ANKS1B: variants seen among roughly 807,000 people sequenced by gnomAD.
The protein encoded by ANKS1B is ankyrin repeat and sterile alpha motif domain containing 1B, also known as ankyrin repeat and sterile alpha motif domain-containing protein 1B.
A neutral mutation model predicts 148.3 loss-of-function variants in ANKS1B; 36 were observed. The ratio of observed to expected loss-of-function variants is 0.24; its 90% CI spans 0.19 to 0.32. The LOEUF (loss-of-function observed/expected upper bound fraction) is 0.32, where lower values mean the gene tolerates loss of function less well. Ranked by LOEUF, ANKS1B falls within the 10% of genes least tolerant of loss-of-function variation. The pLI is 1.00. For synonymous variants in ANKS1B, 542 were observed against 560.8 expected, an observed-to-expected ratio of 0.97 and a Z score of 0.47; for missense variants, 1,157 against 1,542.6, an observed-to-expected ratio of 0.75 and a Z score of 4.19.
At chr12:99,924,430 T>G (rs368898599) in intron 1 of ANKS1B, among the ~76,000 whole-genome samples, 2 of 152,330 alleles carry the variant, frequency 1.3e-5, no homozygotes, top group African/African-American at 4.8e-5. Context: ...TGCAGCAATA[T>G]CTAATTTCTT....
At chr12:99,399,341 T>A (rs2094340666) in intron 12 of ANKS1B, among the ~76,000 whole-genome samples, 1 of 152,126 alleles carries the variant, frequency 6.6e-6, no homozygotes, top group Non-Finnish European at 1.5e-5. Flanking sequence ...GATACCGCTG[T>A]GTGGTGAGGG....
At chr12:99,375,062 C>T (rs1317782587) in intron 12 of ANKS1B, among the ~76,000 whole-genome samples, 1 of 152,148 alleles carries the variant, frequency 6.6e-6, no homozygotes, top group Non-Finnish European at 1.5e-5. Flanking sequence ...GTTTGGATCA[C>T]CTTATCTTAA....
intron 14 of ANKS1B, among the ~76,000 whole-genome samples, chr12:99,182,700 T>C (rs116880421): frequency 1.3e-5 from 2 of 152,314 alleles, no homozygotes; most frequent in Non-Finnish European, 2.9e-5. Context: ...CTAGATCATA[T>C]GGTAGCCCTA....
intron 10 of ANKS1B, among the ~76,000 whole-genome samples, chr12:99,496,490 G>C (rs908220441): frequency 4.6e-5 from 7 of 152,178 alleles, no homozygotes; most frequent in Non-Finnish European, 2.9e-5. Context: ...GCATAAACAT[G>C]AGTCTTAGCA....
At chr12:99,788,196 A>C (rs1340153467) in intron 4 of ANKS1B, among the ~76,000 whole-genome samples, 2 of 152,226 alleles carry the variant, frequency 1.3e-5, no homozygotes, top group Non-Finnish European at 2.9e-5. Flanking sequence ...AGGCAGTGCA[A>C]GTGCAATTCA....
At chr12:99,843,315 T>A (rs954179528) in intron 1 of ANKS1B, among the ~76,000 whole-genome samples, 2 of 152,100 alleles carry the variant, frequency 1.3e-5, no homozygotes, top group African/African-American at 4.8e-5. Context: ...TCTCCTTGGT[T>A]AGCCTAGGTG....
chr12:99,850,793 A>C (rs1273623730), intron 1 of ANKS1B, among the ~76,000 whole-genome samples: 1 of 152,092 alleles, frequency 6.6e-6, no homozygotes, highest in East Asian at 1.9e-4. Flanking sequence ...ATAAGGGAAA[A>C]TTCTTCTCAG....
chr12:99,106,799 T>G (rs1307143868), intron 15 of ANKS1B, among the ~76,000 whole-genome samples: 1 of 152,244 alleles, frequency 6.6e-6, no homozygotes, highest in Non-Finnish European at 1.5e-5. Flanking sequence ...GTCTTTTAGG[T>G]TGTCTTAAAA....
intron 9 of ANKS1B, among the ~76,000 whole-genome samples, chr12:99,564,887 A>C (rs2097373011): frequency 6.6e-6 from 1 of 152,148 alleles, no homozygotes; most frequent in Non-Finnish European, 1.5e-5. Flanking sequence ...TAAATATCAT[A>C]TTATTATAAC....
intron 4 of ANKS1B, among the ~76,000 whole-genome samples, chr12:99,793,132 A>G (rs1464074378): frequency 6.6e-6 from 1 of 151,954 alleles, no homozygotes; most frequent in Non-Finnish European, 1.5e-5. Flanking sequence ...GAATTAACCA[A>G]ATAAATGAAA....
At chr12:98,939,200 G>A (rs1229391689) in intron 17 of ANKS1B, among the ~76,000 whole-genome samples, 1 of 152,204 alleles carries the variant, frequency 6.6e-6, no homozygotes, top group South Asian at 2.1e-4. Flanking sequence ...ATTAGGATTA[G>A]TGCGTATGTT....
intron 17 of ANKS1B, among the ~76,000 whole-genome samples, chr12:98,858,064 A>G (rs1158561162): frequency 6.6e-6 from 1 of 152,188 alleles, no homozygotes; most frequent in Admixed American, 6.5e-5. Context: ...TTTGTCGCAC[A>G]GACAGGTTTG....
intron 16 of ANKS1B, among the ~76,000 whole-genome samples, chr12:99,066,148 G>A (rs1010916200): frequency 6.6e-6 from 1 of 151,866 alleles, no homozygotes; most frequent in Non-Finnish European, 1.5e-5. Context: ...AAACTCTATC[G>A]CTACTAAAAT....
At chr12:99,088,222 T>C (rs969659875) in intron 15 of ANKS1B, among the ~76,000 whole-genome samples, 9 of 152,196 alleles carry the variant, frequency 5.9e-5, no homozygotes, top group African/African-American at 1.9e-4. Context: ...TACATAGGGA[T>C]GCCAAAAATA....
At chr12:99,762,432 G>C (rs2062224326) in intron 8 of ANKS1B, among the ~76,000 whole-genome samples, 1 of 151,624 alleles carries the variant, frequency 6.6e-6, no homozygotes, top group East Asian at 2.1e-4. Context: ...AAACAATGGG[G>C]AAAGGACAAG....
chr12:98,746,516 A>G (rs1228080752), intron 26 of ANKS1B, among the ~76,000 whole-genome samples: 12 of 152,112 alleles, frequency 7.9e-5, no homozygotes. Flanking sequence ...TACTCCTACA[A>G]AAAGCACCCC....
At position 99,480,341 on chromosome 12, in the gene ANKS1B, G is replaced by A. The variant is rs1363579890; in HGVS notation, c.1438+24135C>T. 5.3e-5 allele frequency among the ~76,000 whole-genome samples: 8 copies of A among 151,700 alleles called. No individual in the cohort carries two copies. The East Asian group carries it at 1.5e-3, about 29-fold the overall frequency. ...ACATTGCCATTTCTTTACTTACTAA[G>A]AAAAGATATTTTTAATATACTTCAA... On this transcript the variant is annotated intron_variant, in intron 10 of 26. Coordinates refer to ENST00000683438, the MANE Select transcript of ANKS1B (RefSeq NM_001352186.2).
At chr12:99,097,187 A>G (rs577334844) in intron 15 of ANKS1B, 63 of 152,358 alleles carry the variant, frequency 4.1e-4, no homozygotes, top group African/African-American at 1.3e-3. Context: ...AAGTAAGTTT[A>G]TAGGAAAAGC....
At chr12:98,746,418 C>A (rs1303411908) in intron 26 of ANKS1B, among the ~76,000 whole-genome samples, 1 of 152,204 alleles carries the variant, frequency 6.6e-6, no homozygotes, top group South Asian at 2.1e-4. Context: ...TCTCCAGACA[C>A]CTGCATGCCT....
Sources: allele counts gnomAD v4.1 joint callset (sites outside exome capture counted in the v4.1 genomes callset), GRCh38; gene constraint gnomAD v4.1.1; transcripts MANE v1.5; gene names NCBI Gene and HGNC (gene_info 2026-07-23, HGNC 2026-07-21).